Variants in RIPOR3 observed in about 807,000 individuals in gnomAD.
RIPOR3 encodes the protein RIPOR family member 3, also known as family with sequence similarity 65 member C.
Under a neutral mutation model 114.3 loss-of-function variants are expected in RIPOR3, and 95 were observed. The observed-to-expected ratio is 0.83, with a 90% CI of 0.70 to 0.99. The LOEUF (loss-of-function observed/expected upper bound fraction) is 0.99. Ranked by LOEUF, RIPOR3 falls within the 50% of genes least tolerant of loss-of-function variation. RIPOR3 has a pLI of 0.00. For synonymous variants in RIPOR3, 575 were observed against 543.8 expected, an observed-to-expected ratio of 1.06 and a Z score of -0.80; for missense variants, 1,252 against 1,266.9, an observed-to-expected ratio of 0.99 and a Z score of 0.18.
intron 1 of RIPOR3, among the ~76,000 whole-genome samples, chr20:50,683,225 C>G (rs920505240): frequency 2.0e-5 from 3 of 152,166 alleles, no homozygotes; most frequent in Non-Finnish European, 4.4e-5. Flanking sequence ...ATAGCAGCTA[C>G]TACCACAGTG....
intron 1 of RIPOR3, among the ~76,000 whole-genome samples, chr20:50,661,419 C>T (rs1490831839): frequency 6.6e-6 from 1 of 152,132 alleles, no homozygotes; most frequent in African/African-American, 2.4e-5. Context: ...TCTCCATAGC[C>T]TTGTGACACA....
intron 5 of RIPOR3, 128 bp from the exon 6 acceptor site, chr20:50,611,034 T>C: frequency 6.9e-6 from 5 of 727,128 alleles, no homozygotes; most frequent in Non-Finnish European, 8.1e-6. Context: ...TGAGGAAGGC[T>C]CATCGCAGAG....
At chr20:50,667,212 T>C (rs1221137879) in intron 1 of RIPOR3, among the ~76,000 whole-genome samples, 3 of 149,578 alleles carry the variant, frequency 2.0e-5, no homozygotes, top group Non-Finnish European at 4.4e-5. Flanking sequence ...CTCCACCCCA[T>C]CCCCAAACGA....
intron 1 of RIPOR3, among the ~76,000 whole-genome samples, chr20:50,665,555 G>A (rs1227661092): frequency 2.6e-5 from 4 of 151,236 alleles, no homozygotes; most frequent in African/African-American, 9.7e-5. Flanking sequence ...TGAGTAGCTG[G>A]GATTACAGGC....
chr20:50,592,596 C>T (rs2083149829), intron 18 of RIPOR3, 50 bp from the exon 19 acceptor site: 10 of 1,397,004 alleles, frequency 7.2e-6, no homozygotes, highest in Non-Finnish European at 8.4e-6. Context: ...GGGAGTTTGG[C>T]AGGACAGCTG....
chr20:50,669,127 C>T (rs1292647885), intron 1 of RIPOR3, among the ~76,000 whole-genome samples: 4 of 152,006 alleles, frequency 2.6e-5, no homozygotes, highest in Admixed American at 1.3e-4. Flanking sequence ...CACACATGTG[C>T]ACACATGGTG....
chr20:50,637,589 A>G (rs1410137358), intron 1 of RIPOR3, among the ~76,000 whole-genome samples: 1 of 152,128 alleles, frequency 6.6e-6, no homozygotes, highest in Admixed American at 6.6e-5. Flanking sequence ...GGGGCCAGGC[A>G]CACTCCTATA....
At chr20:50,616,931 A>G (rs1210956300) in intron 3 of RIPOR3, among the ~76,000 whole-genome samples, 1 of 152,190 alleles carries the variant, frequency 6.6e-6, no homozygotes, top group Non-Finnish European at 1.5e-5. Context: ...TCACAAGGTC[A>G]GGTAATCGAG....
intron 4 of RIPOR3, among the ~76,000 whole-genome samples, chr20:50,615,524 CAAAAAAAAAA>C (rs11474316): frequency 1.7e-5 from 1 of 58,368 alleles, no homozygotes; most frequent in Admixed American, 2.0e-4. Flanking sequence ...AATCCTGTCT[CAAAAAAAAAA>C]AAAAAAAAAA....
At chr20:50,605,624 G>A (rs1197017794) in intron 11 of RIPOR3, among the ~76,000 whole-genome samples, 2 of 151,442 alleles carry the variant, frequency 1.3e-5, no homozygotes, top group African/African-American at 4.9e-5. Flanking sequence ...GAATACATTA[G>A]CTGGGCTAAT....
chr20:50,647,997 C>T (rs936486209), intron 1 of RIPOR3, among the ~76,000 whole-genome samples: 1 of 151,918 alleles, frequency 6.6e-6, no homozygotes, highest in Admixed American at 6.6e-5. Context: ...GGGTAGTGGC[C>T]AGGCGCGGTG....
In RIPOR3 at chr20:50,659,453, A is replaced by T. The variant is rs529328088; in HGVS notation, c.4-28597T>A. Among the ~76,000 whole-genome samples, 11 of 151,934 alleles carry T rather than the reference A, an allele frequency of 7.2e-5. No individual in the cohort carries two copies. In the East Asian group the frequency reaches 2.1e-3, roughly 29 times the overall value. Reference sequence around the variant, plus strand: ...CCTGAGGTCAGGAGTTTGAGACCAGACTGGTTAACATGACAAAACCCCATC... The same window carrying T: ...CCTGAGGTCAGGAGTTTGAGACCAGTCTGGTTAACATGACAAAACCCCATC... On this transcript the variant is annotated intron_variant, in intron 1 of 21. Transcript: ENST00000327979.
chr20:50,621,118 G>C, intron 2 of RIPOR3: 1 of 41,870 alleles, frequency 2.4e-5, no homozygotes, highest in Non-Finnish European at 4.5e-5. Flanking sequence ...AGAACAGCTT[G>C]ACAAAAAAAA....
In RIPOR3 at chr20:50,602,381, G is replaced by A; in HGVS notation, c.1350C>T (p.Pro450=). Residue 450 remains proline (P), a synonymous_variant, in exon 13 of 22, where the codon CCC becomes CCT. Coordinates refer to ENST00000327979, the MANE Select transcript of RIPOR3 (RefSeq NM_001290268.2). This position sits in a 1 kb window ranked among gnomAD's most constrained non-coding sequence, Gnocchi z 4.3. ...TCTCTGGCAGGAGACCTGGGGGCAGGGGGTCCTCCCGAGCCTCCTCTTCAA... is the reference window on the plus strand; with the variant it reads ...TCTCTGGCAGGAGACCTGGGGGCAGAGGGTCCTCCCGAGCCTCCTCTTCAA... ...ASIEEEARED[P]LPPGLLPEMA... The A allele has an allele frequency of 6.2e-7, 1 of 1,613,176 alleles. No individual in the cohort carries two copies. The highest frequency in any genetic ancestry group is 8.5e-7 in the Non-Finnish European group (1 of 1,179,834).
At chr20:50,686,303 G>A (rs1034727484) in intron 1 of RIPOR3, among the ~76,000 whole-genome samples, 12 of 151,782 alleles carry the variant, frequency 7.9e-5, no homozygotes, top group African/African-American at 1.2e-4. Context: ...TGATCCACCC[G>A]CCTCGGCCTC....
intron 1 of RIPOR3, among the ~76,000 whole-genome samples, chr20:50,658,285 T>C (rs552587905): frequency 6.6e-6 from 1 of 152,348 alleles, no homozygotes; most frequent in Admixed American, 6.5e-5. Context: ...AAGAAAATGT[T>C]GACCCATACG....
intron 1 of RIPOR3, among the ~76,000 whole-genome samples, chr20:50,644,468 T>C (rs2085320781): frequency 6.6e-6 from 1 of 152,066 alleles, no homozygotes; most frequent in Non-Finnish European, 1.5e-5. Flanking sequence ...TAACCTGGAT[T>C]GGTACATATT....
At chr20:50,641,217 T>C (rs901413940) in intron 1 of RIPOR3, among the ~76,000 whole-genome samples, 6 of 151,318 alleles carry the variant, frequency 4.0e-5, no homozygotes, top group Non-Finnish European at 7.4e-5. Context: ...GGCTCACTTC[T>C]TTTTTTTTCT....
At chr20:50,636,605 C>T (rs1172549467) in intron 1 of RIPOR3, 1 of 985,626 alleles carries the variant, frequency 1.0e-6, no homozygotes, top group Non-Finnish European at 1.2e-6. Flanking sequence ...AGGACAGCCT[C>T]TTCTACTCCG....
Sources: gnomAD v4.1 joint callset for allele counts (sites outside exome capture counted in the v4.1 genomes callset) on GRCh38, gnomAD v4.1.1 for gene constraint, Gnocchi (gnomAD v3.1) non-coding constraint, MANE v1.5 for transcripts, NCBI Gene and HGNC (gene_info 2026-07-23, HGNC 2026-07-21) for gene names.